TOMM20L: variants seen among roughly 807,000 people sequenced by gnomAD.
TOMM20L encodes TOMM20-like protein 1.
In TOMM20L, 19 loss-of-function variants were observed where a neutral mutation model predicts 20.4. The ratio of observed to expected loss-of-function variants is 0.93; its 90% CI spans 0.65 to 1.36. The LOEUF (loss-of-function observed/expected upper bound fraction) is 1.36. Ranked by LOEUF, TOMM20L falls within the 40% of genes most tolerant of loss-of-function variation. TOMM20L has a pLI of 0.00. For missense variants in TOMM20L, 218 were observed against 203.7 expected, an observed-to-expected ratio of 1.07 and a Z score of -0.43; for synonymous variants, 75 against 79.6, an observed-to-expected ratio of 0.94 and a Z score of 0.30.
chr14:58,404,090 C>CATATATGTGTGTGTGTATATATAT (rs1470382627), intron 3 of TOMM20L, among the ~76,000 whole-genome samples: 9 of 16,834 alleles, frequency 5.3e-4, no homozygotes, highest in South Asian at 4.9e-3. Context: ...TGTATATATA[C>CATATATGTGTGTGTGTATATATAT]ATATATATGT....
chr14:58,410,796 GT>G (rs1368611428), downstream of TOMM20L: 4 of 1,299,368 alleles, frequency 3.1e-6, no homozygotes, highest in South Asian at 5.1e-5. Context: ...CCTACTTAGA[GT>G]GTTTATGAAG....
At chr14:58,407,608 T>A in intron 4 of TOMM20L, 140 bp downstream of exon 4, 2 of 843,168 alleles carry the variant, frequency 2.4e-6, no homozygotes, top group Non-Finnish European at 3.5e-6. Flanking sequence ...TTGGCTGCTT[T>A]AACACGAAGC....
chr14:58,400,801 C>T (rs1318235213), intron 2 of TOMM20L, among the ~76,000 whole-genome samples: 1 of 151,974 alleles, frequency 6.6e-6, no homozygotes. Flanking sequence ...TCACTTGAAC[C>T]CGAGAGGCAG....
the TOMM20L span, among the ~76,000 whole-genome samples, chr14:58,413,980 C>T: frequency 9.2e-6 from 1 of 108,992 alleles, no homozygotes; most frequent in Non-Finnish European, 1.7e-5. Context: ...GCACTCCGGC[C>T]TGGGTGACAG....
intron 1 of TOMM20L, 30 bp downstream of exon 1, chr14:58,396,123 G>C (rs1456714382): frequency 7.8e-7 from 1 of 1,286,548 alleles, no homozygotes; most frequent in African/African-American, 1.5e-5. Flanking sequence ...AGGCGCGGCC[G>C]GGCCGGGCAG....
At chr14:58,412,186 AG>A, downstream of TOMM20L, 1 of 415,678 alleles carries the variant, frequency 2.4e-6, no homozygotes, top group Non-Finnish European at 4.4e-6. Flanking sequence ...CTCTGTCACC[AG>A]GCTGGAGCGC....
At chr14:58,414,683 G>A in the TOMM20L span, among the ~76,000 whole-genome samples, 8 of 144,126 alleles carry the variant, frequency 5.6e-5, no homozygotes, top group Admixed American at 5.1e-4. Flanking sequence ...GTTGCAGTGA[G>A]CCGAGATTGC....
rs369998486 is a variant in TOMM20L, at chr14:58,396,870, G to A, written c.180+529G>A. ...AGCACTTTGGGAGGCAAGGCGGGCA[G>A]ATCACGTGAGGTCAGGAGTTTGAGA... On this transcript the variant is annotated intron_variant, in intron 2 of 4. Transcript: ENST00000360945. Among the ~76,000 whole-genome samples, 8 of 152,380 alleles carry A rather than the reference G, an allele frequency of 5.3e-5. 1 individual carries two copies. In the South Asian group the frequency reaches 6.2e-4, roughly 12 times the overall value.
chr14:58,415,028 G>T, the TOMM20L span, among the ~76,000 whole-genome samples: 2 of 152,144 alleles, frequency 1.3e-5, no homozygotes, highest in African/African-American at 2.4e-5. Flanking sequence ...GAGGCCACAT[G>T]GGGAGAGTAA....
the TOMM20L span, among the ~76,000 whole-genome samples, chr14:58,413,868 G>C: frequency 6.6e-6 from 1 of 151,756 alleles, no homozygotes; most frequent in Non-Finnish European, 1.5e-5. Flanking sequence ...TTAGCTGGGC[G>C]TGGTGGTGGG....
At chr14:58,414,736 C>CAA in the TOMM20L span, among the ~76,000 whole-genome samples, 95,902 of 117,382 alleles carry the variant, frequency 0.82, 40,794 homozygotes, top group East Asian at 0.98. Context: ...GACGCCATCT[C>CAA]AAAAAAAAAA....
At chr14:58,411,970 A>G, downstream of TOMM20L, 1 of 1,610,658 alleles carries the variant, frequency 6.2e-7, no homozygotes, top group Non-Finnish European at 8.5e-7. Context: ...TTTATTAGTC[A>G]CCTAATTTAA....
At chr14:58,400,927 T>C (rs2035985864) in intron 2 of TOMM20L, among the ~76,000 whole-genome samples, 1 of 152,118 alleles carries the variant, frequency 6.6e-6, no homozygotes, top group Non-Finnish European at 1.5e-5. Context: ...GCTAATTAAG[T>C]TCACTTGCTA....
intron 2 of TOMM20L, among the ~76,000 whole-genome samples, chr14:58,401,933 GTT>G (rs2035998545): frequency 2.6e-5 from 4 of 152,192 alleles, no homozygotes; most frequent in Non-Finnish European, 5.9e-5. Context: ...CGATTAGAGA[GTT>G]ACTGCTACAT....
chr14:58,412,426 C>A (rs575154837), downstream of TOMM20L, among the ~76,000 whole-genome samples: 7 of 152,218 alleles, frequency 4.6e-5, no homozygotes, highest in Non-Finnish European at 1.0e-4. Flanking sequence ...AGGCGTTAGC[C>A]GCCGTGCCCG....
At chr14:58,411,726 G>A (rs1303176481), downstream of TOMM20L, among the ~76,000 whole-genome samples, 1 of 151,856 alleles carries the variant, frequency 6.6e-6, no homozygotes, top group Non-Finnish European at 1.5e-5. Context: ...TTTAGGAGAC[G>A]GAGTTTCACC....
chr14:58,410,809 C>T, downstream of TOMM20L: 1 of 1,466,316 alleles, frequency 6.8e-7, no homozygotes, highest in Non-Finnish European at 9.4e-7. Flanking sequence ...TTTATGAAGG[C>T]TTGTAGAATT....
rs760740827 is a variant in TOMM20L, at chr14:58,395,965, C to T, written c.8C>T (p.Ser3Phe). MP[S>F]VRSLLRLLAA... is the part of the protein sequence containing the mutation. ...TGGGACGCCCGCGGTCGGATGCCCT[C>T]CGTCCGCTCCCTCCTCCGCCTCTTG... Residue 3 changes from serine (S) to phenylalanine (F), a missense_variant, in exon 1 of 5, where the codon TCC becomes TTC. Transcript: ENST00000360945. 5 of 1,441,648 alleles carry T rather than the reference C, an allele frequency of 3.5e-6. No homozygotes were observed. The highest frequency in any genetic ancestry group is 4.6e-6 in the Non-Finnish European group (5 of 1,090,554). The allele number at this position is 1,441,648 out of a possible 1,614,324, so 89.3% of individuals were successfully genotyped here.
At position 58,407,306 on chromosome 14, in the gene TOMM20L, A is replaced by C; in HGVS notation, c.263-20A>C. 6.4e-7 allele frequency: 1 copy of C among 1,569,258 alleles called. No individual in the cohort carries two copies. Among genetic ancestry groups the C allele is most frequent in the Non-Finnish European group, 8.6e-7 (1 of 1,162,628 alleles). The stretch of plus-strand genomic sequence containing the variant: ...TAAAGAACTTCAAAATTTTGCTCAA[A>C]ACTTGTCATTCTGTTTCAGGAGAGC... On this transcript the variant is annotated intron_variant, in intron 3 of 4. Transcript: ENST00000360945.
Sources: gnomAD v4.1 joint callset for allele counts (sites outside exome capture counted in the v4.1 genomes callset) on GRCh38, gnomAD v4.1.1 for gene constraint, MANE v1.5 for transcripts, NCBI Gene and HGNC (gene_info 2026-07-23, HGNC 2026-07-21) for gene names.